SEMA3A: variants seen among roughly 807,000 people sequenced by gnomAD.
SEMA3A encodes the protein semaphorin-3A.
A neutral mutation model predicts 97.9 loss-of-function variants in SEMA3A; 29 were observed. The ratio of observed to expected loss-of-function variants is 0.30; its 90% confidence interval spans 0.22 to 0.40. The LOEUF (loss-of-function observed/expected upper bound fraction) is 0.40, where lower values mean the gene tolerates loss of function less well. SEMA3A is among the 10% of genes least tolerant of loss of function. The pLI is 1.00. For missense variants in SEMA3A, 763 were observed against 951.3 expected, an observed-to-expected ratio of 0.80 and a Z score of 2.60; for synonymous variants, 321 against 323.7, an observed-to-expected ratio of 0.99 and a Z score of 0.09.
chr7:84,058,522 C>T (rs1199594542), intron 5 of SEMA3A, among the ~76,000 whole-genome samples: 2 of 152,130 alleles, frequency 1.3e-5, no homozygotes, highest in East Asian at 3.8e-4. Context: ...AACTTCAACA[C>T]AGAGAGTTTC....
chr7:84,055,883 T>A (rs1792953102), intron 5 of SEMA3A, among the ~76,000 whole-genome samples: 1 of 152,230 alleles, frequency 6.6e-6, no homozygotes, highest in Non-Finnish European at 1.5e-5. Flanking sequence ...TTTAGAGCTG[T>A]TCACATATAC....
chr7:84,427,081 C>T (rs531629855), intron 1 of SEMA3A, among the ~76,000 whole-genome samples: 1 of 152,116 alleles, frequency 6.6e-6, no homozygotes, highest in Admixed American at 6.6e-5. Flanking sequence ...AATGTTAACG[C>T]AATTCTGGGA....
intron 12 of SEMA3A, among the ~76,000 whole-genome samples, chr7:84,001,675 A>AATTT (rs1422360168): frequency 4.4e-4 from 31 of 70,242 alleles, no homozygotes; most frequent in African/African-American, 1.8e-3. Flanking sequence ...TCATTGAGGT[A>AATTT]ACTTAAATAA....
chr7:84,474,912 T>A (rs1311161130), intron 1 of SEMA3A, among the ~76,000 whole-genome samples: 2 of 147,922 alleles, frequency 1.4e-5, no homozygotes, highest in African/African-American at 5.0e-5. Flanking sequence ...ATTAGAGGTT[T>A]AAAAAAAAAA....
At chr7:83,975,539 A>C (rs1427662815) in intron 15 of SEMA3A, among the ~76,000 whole-genome samples, 1 of 152,156 alleles carries the variant, frequency 6.6e-6, no homozygotes, top group Non-Finnish European at 1.5e-5. Context: ...ATGTATCTAG[A>C]TTATAACTTG....
intron 4 of SEMA3A, among the ~76,000 whole-genome samples, chr7:84,086,068 CTAT>C (rs1236917289): frequency 3.3e-5 from 5 of 152,110 alleles, no homozygotes; most frequent in African/African-American, 9.7e-5. Context: ...ACCCCTGTTG[CTAT>C]TATAACTTCT....
chr7:84,338,081 T>G (rs1365273797), intron 2 of SEMA3A, among the ~76,000 whole-genome samples: 1 of 151,904 alleles, frequency 6.6e-6, no homozygotes, highest in African/African-American at 2.4e-5. Context: ...TATACACACA[T>G]ATCTCTATAC....
intron 1 of SEMA3A, among the ~76,000 whole-genome samples, chr7:84,404,015 T>G (rs934353069): frequency 2.0e-5 from 3 of 152,094 alleles, no homozygotes; most frequent in African/African-American, 7.2e-5. Context: ...ACACAGCTCC[T>G]CACCAGCAAC....
chr7:84,163,618 A>G (rs898677053), intron 1 of SEMA3A, among the ~76,000 whole-genome samples: 3 of 152,176 alleles, frequency 2.0e-5, no homozygotes. Context: ...ATTGTTTTAT[A>G]TGTATTTTTA....
At chr7:84,404,855 G>T (rs1370418838) in intron 1 of SEMA3A, among the ~76,000 whole-genome samples, 1 of 152,094 alleles carries the variant, frequency 6.6e-6, no homozygotes, top group Non-Finnish European at 1.5e-5. Flanking sequence ...GAGAGATTTT[G>T]TCACCACCAG....
intron 4 of SEMA3A, among the ~76,000 whole-genome samples, chr7:84,108,687 C>A (rs1164226738): frequency 6.6e-6 from 1 of 152,010 alleles, no homozygotes; most frequent in Non-Finnish European, 1.5e-5. Context: ...GGGTGGATTG[C>A]CTGAGCTAGG....
intron 16 of SEMA3A, among the ~76,000 whole-genome samples, chr7:83,962,828 A>T (rs1462320617): frequency 6.6e-6 from 1 of 152,200 alleles, no homozygotes; most frequent in Non-Finnish European, 1.5e-5. Context: ...GATAAAGAAA[A>T]ACAGATTTTG....
intron 2 of SEMA3A, among the ~76,000 whole-genome samples, chr7:84,329,964 C>A (rs1254413499): frequency 2.0e-5 from 3 of 151,960 alleles, no homozygotes; most frequent in Non-Finnish European, 4.4e-5. Flanking sequence ...ATGTGTTTCA[C>A]TATTTGATTA....
At chr7:84,337,402 G>T (rs183238036) in intron 2 of SEMA3A, among the ~76,000 whole-genome samples, 53 of 152,108 alleles carry the variant, frequency 3.5e-4, no homozygotes, top group African/African-American at 1.2e-3. Context: ...CCTTAAAGCA[G>T]GCATCTTATG....
chr7:84,148,466 G>A (rs1354576504), intron 1 of SEMA3A, among the ~76,000 whole-genome samples: 2 of 152,106 alleles, frequency 1.3e-5, no homozygotes, highest in Non-Finnish European at 2.9e-5. Flanking sequence ...CGTAGTCCGG[G>A]TACATTGTAA....
intron 4 of SEMA3A, among the ~76,000 whole-genome samples, chr7:84,103,686 T>G (rs1368173471): frequency 6.6e-6 from 1 of 152,052 alleles, no homozygotes; most frequent in Non-Finnish European, 1.5e-5. Flanking sequence ...CTCTTAAACT[T>G]TGGTTTTAAA....
chr7:84,220,090 C>T (rs553028670), intron 3 of SEMA3A, among the ~76,000 whole-genome samples: 1 of 152,212 alleles, frequency 6.6e-6, no homozygotes, highest in Admixed American at 6.5e-5. Context: ...CAAACCCTGC[C>T]CATGCATTAT....
chr7:84,442,837 G>T (rs994336491), intron 1 of SEMA3A, among the ~76,000 whole-genome samples: 6 of 151,962 alleles, frequency 3.9e-5, no homozygotes, highest in Admixed American at 3.3e-4. Flanking sequence ...AATAATATCA[G>T]ACAAAATGGA....
At chr7:84,445,788 C>T (rs1366356418) in intron 1 of SEMA3A, among the ~76,000 whole-genome samples, 1 of 150,906 alleles carries the variant, frequency 6.6e-6, no homozygotes, top group African/African-American at 2.4e-5. Flanking sequence ...AAAGCAACAC[C>T]TAAATTCACA....
Sources: allele counts gnomAD v4.1 joint callset (sites outside exome capture counted in the v4.1 genomes callset), GRCh38; gene constraint gnomAD v4.1.1; transcripts MANE v1.5; gene names NCBI Gene and HGNC (gene_info 2026-07-23, HGNC 2026-07-21).